Variants in KIAA1217 observed in about 807,000 individuals in gnomAD.
KIAA1217 encodes the protein sickle tail protein homolog.
A neutral mutation model predicts 163.9 loss-of-function variants in KIAA1217; 88 were observed. That is an observed-to-expected ratio of 0.54 (90% CI 0.45 to 0.64). KIAA1217 has a LOEUF of 0.64. Among genes scored for constraint, KIAA1217 ranks in the 30% least tolerant of loss-of-function variants. The pLI is 0.00. For synonymous variants in KIAA1217, 903 were observed against 923.1 expected (o/e 0.98, Z 0.39); for missense variants, 2,372 against 2,475.0 (o/e 0.96, Z 0.88).
chr10:23,940,468 A>AG, intron 1 of KIAA1217, among the ~76,000 whole-genome samples: 1 of 143,308 alleles, frequency 7.0e-6, no homozygotes, highest in Admixed American at 6.8e-5. Flanking sequence ...CTCAAAAAAA[A>AG]AAAAAAAAAA....
chr10:24,488,052 G>A (rs1286814163), intron 6 of KIAA1217, among the ~76,000 whole-genome samples: 2 of 152,184 alleles, frequency 1.3e-5, no homozygotes, highest in Admixed American at 6.5e-5. Context: ...GAGAAAGCAA[G>A]GCCAGGCTAC....
At chr10:23,818,724 T>A (rs1837482477) in intron 1 of KIAA1217, among the ~76,000 whole-genome samples, 1 of 152,148 alleles carries the variant, frequency 6.6e-6, no homozygotes, top group African/African-American at 2.4e-5. Flanking sequence ...GCCTTGGCAA[T>A]AATTTGTCCT....
chr10:24,090,972 T>C (rs536305968), intron 2 of KIAA1217, among the ~76,000 whole-genome samples: 1 of 151,866 alleles, frequency 6.6e-6, no homozygotes, highest in Non-Finnish European at 1.5e-5. Flanking sequence ...ATATTACACT[T>C]ATGATGGTCT....
intron 1 of KIAA1217, among the ~76,000 whole-genome samples, chr10:23,770,921 G>T (rs1289056443): frequency 6.6e-6 from 1 of 152,086 alleles, no homozygotes; most frequent in Non-Finnish European, 1.5e-5. Flanking sequence ...CAAGTTTGAG[G>T]TACTCCCTTA....
chr10:24,361,419 C>T (rs2049982145), intron 2 of KIAA1217, among the ~76,000 whole-genome samples: 1 of 152,144 alleles, frequency 6.6e-6, no homozygotes, highest in African/African-American at 2.4e-5. Flanking sequence ...AGCTCCTAGG[C>T]TCAAGCGATC....
At chr10:24,261,790 G>A (rs2075755604) in intron 2 of KIAA1217, among the ~76,000 whole-genome samples, 1 of 152,158 alleles carries the variant, frequency 6.6e-6, no homozygotes, top group African/African-American at 2.4e-5. Flanking sequence ...TGTAGGTCCT[G>A]CCACCATCTA....
intron 1 of KIAA1217, among the ~76,000 whole-genome samples, chr10:24,213,987 C>CA (rs5783880): frequency 0.58 from 87,071 of 150,462 alleles, 25,375 homozygotes; most frequent in African/African-American, 0.67. Flanking sequence ...CCCATCTCTA[C>CA]AAAAAAAAAT....
intron 2 of KIAA1217, among the ~76,000 whole-genome samples, chr10:24,270,766 C>G (rs940782247): frequency 6.6e-6 from 1 of 152,106 alleles, no homozygotes; most frequent in Non-Finnish European, 1.5e-5. Context: ...AGGCTGGTCT[C>G]GAACTCCTGA....
intron 1 of KIAA1217, among the ~76,000 whole-genome samples, chr10:23,758,686 C>CT (rs34055872): frequency 2.3e-3 from 139 of 59,850 alleles, no homozygotes; most frequent in Middle Eastern, 0.012. Flanking sequence ...TTCTTTCTTT[C>CT]TTTTTTTTTT....
In KIAA1217 at chr10:24,171,958, C is replaced by T. The variant is rs573796252; in HGVS notation, c.-170-47668C>T. 5.9e-5 allele frequency among the ~76,000 whole-genome samples: 9 copies of T among 152,262 alleles called. No individual in the cohort carries two copies. In the East Asian group the frequency reaches 9.7e-4, roughly 16 times the overall value. On this transcript the variant is annotated intron_variant, in intron 2 of 18. Coordinates refer to the KIAA1217 transcript ENST00000376462. ...ACACACATTGTCTTAATTTCATCCT[C>T]ACAACATCCTCTGAGGTTGGGGCTA...
intron 1 of KIAA1217, among the ~76,000 whole-genome samples, chr10:23,813,187 C>T (rs1285127822): frequency 6.6e-6 from 1 of 152,208 alleles, no homozygotes; most frequent in Non-Finnish European, 1.5e-5. Flanking sequence ...TCTGATGGCT[C>T]ATCATGTTGA....
At chr10:24,368,707 G>T in intron 2 of KIAA1217, 1 of 206,604 alleles carries the variant, frequency 4.8e-6, no homozygotes, top group Non-Finnish European at 8.4e-6. Context: ...CCAAGATGAA[G>T]GCATGGTGGA....
At chr10:24,115,829 G>T (rs2063030614) in intron 2 of KIAA1217, among the ~76,000 whole-genome samples, 1 of 152,142 alleles carries the variant, frequency 6.6e-6, no homozygotes, top group African/African-American at 2.4e-5. Context: ...TTTAAAACCG[G>T]AACAACCCAG....
chr10:24,493,949 C>T lies in KIAA1217; in HGVS notation c.1680-551C>T, dbSNP rs559513980. 8.9e-4 allele frequency among the ~76,000 whole-genome samples: 135 copies of T among 152,206 alleles called. 2 individuals carry two copies. Among genetic ancestry groups the T allele is most frequent in the African/African-American group, 3.2e-3 (134 of 41,512 alleles). ...TGCTGGGATTACAGGTGTGAGCCAC[C>T]GCGCCCGGCCGGGTTTCAGTCATAT... On this transcript the variant is annotated intron_variant, in intron 6 of 20. Coordinates refer to ENST00000376454, the MANE Select transcript of KIAA1217 (RefSeq NM_019590.5).
At chr10:23,704,172 G>GTGTATATATATATATA (rs1229370789) in intron 1 of KIAA1217, among the ~76,000 whole-genome samples, 2 of 39,948 alleles carry the variant, frequency 5.0e-5, no homozygotes, top group Non-Finnish European at 8.3e-5. Flanking sequence ...GTGTGTGTGT[G>GTGTATATATATATATA]TATATATATA....
At chr10:23,989,653 T>C (rs1047053622) in intron 1 of KIAA1217, among the ~76,000 whole-genome samples, 4 of 152,202 alleles carry the variant, frequency 2.6e-5, no homozygotes, top group Non-Finnish European at 5.9e-5. Flanking sequence ...TATTTTGGGG[T>C]ATCAGTTCCT....
In KIAA1217 at chr10:24,320,032, C is replaced by T. The variant is rs150533322; in HGVS notation, c.355-60837C>T. 4.6e-5 allele frequency among the ~76,000 whole-genome samples: 7 copies of T among 152,144 alleles called. No homozygotes were observed. In the East Asian group the frequency reaches 1.3e-3, roughly 29 times the overall value. ...AACTCCCAAATTTTTTTTGCAATTA[C>T]CATCGTCTAGTAACTGGTTGTTTCA... On this transcript the variant is annotated intron_variant, in intron 2 of 20. Transcript: ENST00000376454.
intron 4 of KIAA1217, among the ~76,000 whole-genome samples, chr10:24,435,259 G>A (rs767440341): frequency 4.6e-5 from 7 of 152,124 alleles, no homozygotes; most frequent in Non-Finnish European, 1.5e-5. Context: ...ATATTCATGG[G>A]TACCCAAAAA....
intron 1 of KIAA1217, among the ~76,000 whole-genome samples, chr10:23,701,072 C>A (rs1006160078): frequency 6.6e-6 from 1 of 152,144 alleles, no homozygotes; most frequent in Admixed American, 6.5e-5. Context: ...TGAAACCATG[C>A]ACATTGAGTG....
Sources: allele counts gnomAD v4.1 joint callset (sites outside exome capture counted in the v4.1 genomes callset), GRCh38; gene constraint gnomAD v4.1.1; transcripts MANE v1.5; gene names NCBI Gene and HGNC (gene_info 2026-07-23, HGNC 2026-07-21).